DKK3: variants seen among roughly 807,000 people sequenced by gnomAD.
The protein encoded by DKK3 is dickkopf-related protein 3.
A neutral mutation model predicts 33.2 loss-of-function variants in DKK3; 22 were observed. The ratio of observed to expected loss-of-function variants is 0.66; its 90% CI spans 0.47 to 0.95. DKK3 has a LOEUF of 0.95. Among genes scored for constraint, DKK3 ranks in the 40% least tolerant of loss-of-function variants. DKK3 has a pLI of 0.00. For synonymous variants in DKK3, 194 were observed against 188.8 expected, an observed-to-expected ratio of 1.03 and a Z score of -0.23; for missense variants, 398 against 458.4, an observed-to-expected ratio of 0.87 and a Z score of 1.20.
At chr11:12,000,784 G>A (rs1044772166) in intron 2 of DKK3, among the ~76,000 whole-genome samples, 1 of 152,030 alleles carries the variant, frequency 6.6e-6, no homozygotes, top group African/African-American at 2.4e-5. Flanking sequence ...CTCCCAAAGT[G>A]CTGGGATTAC....
At chr11:11,966,047 A>G (rs569108796) in intron 5 of DKK3, 82 bp from the exon 6 acceptor site, 2 of 1,465,582 alleles carry the variant, frequency 1.4e-6, no homozygotes, top group African/African-American at 2.8e-5. Context: ...AATGGAGCAT[A>G]ACCTCCCACC....
intron 2 of DKK3, among the ~76,000 whole-genome samples, chr11:12,001,015 T>C (rs142306877): frequency 2.0e-5 from 3 of 152,234 alleles, no homozygotes; most frequent in African/African-American, 4.8e-5. Context: ...ATTTCATAAA[T>C]GCAGTTAGTG....
chr11:12,009,460 C>G, upstream of DKK3: 2 of 931,842 alleles, frequency 2.1e-6, no homozygotes. Context: ...CGCCGGCCAC[C>G]TCACGCCCCA....
At chr11:11,986,132 G>A (rs1564916174) in intron 3 of DKK3, among the ~76,000 whole-genome samples, 2 of 152,124 alleles carry the variant, frequency 1.3e-5, no homozygotes, top group Non-Finnish European at 2.9e-5. Context: ...TGGCCTGGAG[G>A]GCAGGCCCCT....
intron 5 of DKK3, 65 bp downstream of exon 5, chr11:11,966,889 C>G: frequency 6.3e-7 from 1 of 1,582,674 alleles, no homozygotes; most frequent in South Asian, 1.2e-5. Flanking sequence ...GACGTGGCTC[C>G]AGGAGGTCCA....
chr11:11,965,924 C>G lies in DKK3; in HGVS notation c.715G>C (p.Glu239Gln). Residue 239 changes from glutamate to glutamine, a missense_variant, in exon 6 of 7, where the codon GAG becomes CAG. Transcript: ENST00000683431. ...CGGCTGGCGGGGTCATGGCAAAGCT[C>G]GCCCTCCACGGGCAGGGGTGTGCAC... The part of the protein sequence containing the change: ...PVCTPLPVEG[E>Q]LCHDPASRLL... 2 of 1,613,858 alleles carry G rather than the reference C, an allele frequency of 1.2e-6. No homozygotes were observed. Among genetic ancestry groups the G allele is most frequent in the South Asian group, 1.1e-5 (1 of 91,062 alleles).
At chr11:11,985,109 G>A (rs1270263813) in intron 3 of DKK3, among the ~76,000 whole-genome samples, 2 of 152,286 alleles carry the variant, frequency 1.3e-5, no homozygotes, top group Non-Finnish European at 2.9e-5. Flanking sequence ...CAAGGAGGAG[G>A]CCATGTGCAG....
At chr11:12,001,183 A>G (rs935974047) in intron 2 of DKK3, among the ~76,000 whole-genome samples, 1 of 152,224 alleles carries the variant, frequency 6.6e-6, no homozygotes, top group South Asian at 2.1e-4. Flanking sequence ...GGTTTTGACA[A>G]GAATAAAATA....
intron 3 of DKK3, among the ~76,000 whole-genome samples, chr11:11,978,522 T>A (rs972283091): frequency 1.3e-5 from 2 of 151,968 alleles, no homozygotes; most frequent in African/African-American, 4.8e-5. Context: ...TTCTTTTTTT[T>A]ATCGTTTTGT....
At chr11:11,979,424 C>T (rs997319437) in intron 3 of DKK3, among the ~76,000 whole-genome samples, 1 of 152,226 alleles carries the variant, frequency 6.6e-6, no homozygotes. Context: ...CTTCCGGTCA[C>T]AGGCGGGTAG....
rs549105235 is a variant in DKK3, at chr11:12,008,502, C to T, written c.81G>A (p.Ala27=). The change falls in exon 1 of 7, where the codon GCG becomes GCA. Residue 27 remains alanine (A), a synonymous_variant. Transcript: ENST00000683431. The surrounding 1 kb of genome is among the most constrained non-coding windows in gnomAD (Gnocchi z 4.6). Reference sequence around the variant, plus strand: ...GGCCGGGCTTGACTGGAGCCGAGGTCGCCGTCGGAGCGGGCGCGGGGGCCG... The same window carrying T: ...GGCCGGGCTTGACTGGAGCCGAGGTTGCCGTCGGAGCGGGCGCGGGGGCCG... ...VPTAPAPAPT[A]TSAPVKPGPA... The T allele has an allele frequency of 8.1e-5, 129 of 1,595,418 alleles. 3 individuals carry two copies. In the South Asian group the frequency reaches 1.4e-3, roughly 17 times the overall value.
chr11:11,988,790 TG>T lies in DKK3; in HGVS notation c.435+9905del, dbSNP rs551042371. ...TCCCCACAATCTCCACGATGCAGCC[TG>T]AGCCTGCATACGCCCAGGCCTAGGG... On this transcript the variant is annotated intron_variant, in intron 3 of 6. Transcript: ENST00000683431. Among the ~76,000 whole-genome samples the T allele has an allele frequency of 7.2e-5, 11 of 152,328 alleles. No individual in the cohort carries two copies. In the South Asian group the frequency reaches 2.3e-3, roughly 32 times the overall value.
At chr11:11,980,827 G>C (rs927846862) in intron 3 of DKK3, among the ~76,000 whole-genome samples, 10 of 152,192 alleles carry the variant, frequency 6.6e-5, no homozygotes, top group African/African-American at 2.4e-4. Context: ...TGGGAGGGCT[G>C]TAAGTGCCCA....
Position 11,966,961 on chromosome 11 carries a change from G to A in DKK3, c.666C>T (p.Phe222=), listed in dbSNP as rs776054775. The change falls in exon 5 of 7, where the codon TTC becomes TTT. Residue 222 remains phenylalanine (F), a synonymous_variant. Transcript: ENST00000683431. ...RDCQPGLCCA[F]QRGLLFPVCT... The stretch of plus-strand genomic sequence containing the variant: ...TGAGGGGAGGCCACTCACCTCTCTG[G>A]AAGGCACAGCACAGCCCCGGCTGGC... 4 of 1,613,846 alleles carry A rather than the reference G, an allele frequency of 2.5e-6. No individual in the cohort carries two copies. In the South Asian group the frequency reaches 4.4e-5, roughly 18 times the overall value.
intron 3 of DKK3, among the ~76,000 whole-genome samples, chr11:11,978,526 G>A (rs910551944): frequency 6.2e-5 from 7 of 113,634 alleles, no homozygotes; most frequent in Non-Finnish European, 9.4e-5. Context: ...TTTTTTTATC[G>A]TTTTGTTTGG....
intron 3 of DKK3, chr11:11,979,140 T>A (rs1352758641): frequency 6.6e-6 from 1 of 152,344 alleles, no homozygotes; most frequent in African/African-American, 2.4e-5. Context: ...CAGCCTGACT[T>A]TTCCCATCCA....
intron 3 of DKK3, among the ~76,000 whole-genome samples, chr11:11,984,307 C>G (rs910024572): frequency 1.3e-5 from 2 of 152,158 alleles, no homozygotes; most frequent in African/African-American, 4.8e-5. Flanking sequence ...CACTGGATAG[C>G]AAGACCTATC....
At chr11:11,964,812 A>G in intron 6 of DKK3, 126 bp from the exon 7 acceptor site, 1 of 1,475,676 alleles carries the variant, frequency 6.8e-7, no homozygotes, top group Non-Finnish European at 9.0e-7. Context: ...TGTCTCTTCA[A>G]CAGAGACACT....
chr11:11,966,027 G>T lies in DKK3; in HGVS notation c.674-62C>A, dbSNP rs1252504437. The T allele has an allele frequency of 2.6e-6, 4 of 1,525,950 alleles. No individual in the cohort carries two copies. The East Asian group carries it at 9.6e-5, about 37-fold the overall frequency. 94.5% of individuals were successfully genotyped at this position (1,525,950 alleles called of 1,614,324 possible). ...GTAGGGTAGAAGGGCTCCAAAGGGA[G>T]GGGCAAAGAAATGGAGCATAACCTC... On this transcript the variant is annotated intron_variant, in intron 5 of 6. Coordinates refer to ENST00000683431, the MANE Select transcript of DKK3 (RefSeq NM_001018057.2).
Sources: allele counts gnomAD v4.1 joint callset (sites outside exome capture counted in the v4.1 genomes callset), GRCh38; gene constraint gnomAD v4.1.1; non-coding constraint Gnocchi (gnomAD v3.1); transcripts MANE v1.5; gene names NCBI Gene and HGNC (gene_info 2026-07-23, HGNC 2026-07-21).